The following DCTN1 variants were observed in gnomAD, a reference collection of about 807,000 sequenced individuals.
DCTN1 encodes 150 kDa dynein-associated polypeptide.
DCTN1 carries 61 observed loss-of-function variants against 161.2 expected under a neutral mutation model. That is an observed-to-expected ratio of 0.38 (90% CI 0.31 to 0.47). The LOEUF (loss-of-function observed/expected upper bound fraction) is 0.47, where lower values mean the gene tolerates loss of function less well. Ranked by LOEUF, DCTN1 falls within the 20% of genes least tolerant of loss-of-function variation. The pLI is 0.99. For synonymous variants in DCTN1, 653 were observed against 632.4 expected, an observed-to-expected ratio of 1.03 and a Z score of -0.49; for missense variants, 1,404 against 1,623.7, an observed-to-expected ratio of 0.86 and a Z score of 2.33.
upstream of DCTN1, among the ~76,000 whole-genome samples, chr2:74,380,806 C>G (rs527771360): frequency 4.6e-5 from 7 of 152,294 alleles, no homozygotes; most frequent in African/African-American, 1.7e-4. Flanking sequence ...AGCCAAGTAC[C>G]CTAGCCCCCT....
intron 26 of DCTN1, chr2:74,364,707 G>C (rs1031002681): frequency 5.7e-6 from 2 of 348,032 alleles, no homozygotes; most frequent in East Asian, 7.1e-5. Context: ...AGCAGGTATC[G>C]GGCAGGGCTG....
chr2:74,377,794 T>C lies in DCTN1; in HGVS notation c.280-68A>G, dbSNP rs556697521. On this transcript the variant is annotated intron_variant, in intron 2 of 31. Transcript: ENST00000628224. ...AGCCAGATCAAGGACGGCTGTAATA[T>C]GGGCCCCTCCCCAGGCTCCAAGCAA... 3.3e-5 allele frequency: 50 copies of C among 1,520,818 alleles called. No individual in the cohort carries two copies. The South Asian group carries it at 5.2e-4, about 16-fold the overall frequency. 94.2% of individuals were successfully genotyped at this position (1,520,818 alleles called of 1,614,324 possible). A position where few individuals can be genotyped will look rare whatever the true frequency, so the allele number is the denominator to read the frequency against.
At chr2:74,368,311 C>T in intron 16 of DCTN1, 180 bp from the exon 17 acceptor site, 2 of 807,052 alleles carry the variant, frequency 2.5e-6, no homozygotes, top group South Asian at 3.5e-5. Context: ...GATGTGATTA[C>T]TGGAGGTTGT....
Position 74,366,500 on chromosome 2 carries a change from C to T in DCTN1, c.2587G>A (p.Val863Met), listed in dbSNP as rs772116260. Residue 863 changes from valine (V) to methionine (M), a missense_variant, in exon 22 of 32, where the codon GTG becomes ATG. Coordinates refer to ENST00000628224, the MANE Select transcript of DCTN1 (RefSeq NM_004082.5). ...APLAENEGLL[V>M]AALEELAFKA... is the part of the protein sequence containing the mutation. The stretch of plus-strand genomic sequence containing the variant: ...AAAGCCAGTTCCTCCAGAGCAGCCA[C>T]AAGTAGCCCCTCATTCTCTGCCAGT... 2.5e-6 allele frequency: 4 copies of T among 1,614,114 alleles called. No homozygotes were observed. The Admixed American group carries it at 5.0e-5, about 20-fold the overall frequency.
At chr2:74,371,772 TA>T (rs1455084903) in intron 7 of DCTN1, 44 bp from the exon 8 acceptor site, 3 of 1,499,586 alleles carry the variant, frequency 2.0e-6, no homozygotes, top group Non-Finnish European at 2.7e-6. Flanking sequence ...AAGCAGAGGA[TA>T]GGGGTAGTAA....
chr2:74,371,844 A>C, intron 7 of DCTN1, 116 bp from the exon 8 acceptor site: 1 of 831,726 alleles, frequency 1.2e-6, no homozygotes, highest in Non-Finnish European at 2.0e-6. Flanking sequence ...GGGAAAAAGC[A>C]GAAAGAGAGT....
chr2:74,362,966 T>C, intron 29 of DCTN1, 28 bp downstream of exon 29: 2 of 1,606,790 alleles, frequency 1.2e-6, no homozygotes, highest in Non-Finnish European at 1.7e-6. Context: ...GGCAGTTTTA[T>C]TCATCTTGGG....
rs372062491 is a variant in DCTN1, at chr2:74,363,277, C to T, written c.3345+17G>A. 1.1e-5 allele frequency: 17 copies of T among 1,614,108 alleles called. No homozygotes were observed. In the African/African-American group the frequency reaches 2.1e-4, roughly 20 times the overall value. On this transcript the variant is annotated intron_variant, in intron 28 of 31. Transcript: ENST00000628224. ...ATGCTCCATCTCCCATCCCAGTCCT[C>T]CCCGTGGCTCCCTCACCTTGAGGAT...
intron 25 of DCTN1, 122 bp downstream of exon 25, chr2:74,365,393 G>A: frequency 6.4e-7 from 1 of 1,559,972 alleles, no homozygotes. Context: ...GGGGTTGGCA[G>A]TGGGTAAAGA....
intron 1 of DCTN1, 25 bp from the exon 2 acceptor site, chr2:74,378,270 CAGTT>C (rs1446838554): frequency 3.1e-6 from 5 of 1,601,718 alleles, no homozygotes; most frequent in South Asian, 1.1e-5. Flanking sequence ...TAAACACAGA[CAGTT>C]AGAGGCCTCA....
chr2:74,367,953 G>C lies in DCTN1; in HGVS notation c.2015+18C>G, dbSNP rs1674549007. The C allele has an allele frequency of 2.5e-6, 4 of 1,614,216 alleles. No individual in the cohort carries two copies. The East Asian group carries it at 8.9e-5, about 36-fold the overall frequency. On this transcript the variant is annotated intron_variant, in intron 17 of 31. Coordinates refer to ENST00000628224, the MANE Select transcript of DCTN1 (RefSeq NM_004082.5). ...CCTGGACCCCCACCCTGGGGTGAGG[G>C]AGTCAGGAGTCACTTACTGCTCATA...
rs770355417 is a variant in DCTN1, at chr2:74,363,270, C to G, written c.3345+24G>C. ...GGCAAATATGCTCCATCTCCCATCC[C>G]AGTCCTCCCCGTGGCTCCCTCACCT... On this transcript the variant is annotated intron_variant, in intron 28 of 31. Coordinates refer to ENST00000628224, the MANE Select transcript of DCTN1 (RefSeq NM_004082.5). 3.7e-6 allele frequency: 6 copies of G among 1,613,986 alleles called. No homozygotes were observed. In the East Asian group the frequency reaches 1.1e-4, roughly 30 times the overall value.
At position 74,370,142 on chromosome 2, in the gene DCTN1, G is replaced by C. The variant is rs1223609676; in HGVS notation, c.1287+44C>G. On this transcript the variant is annotated intron_variant, in intron 12 of 31. Coordinates refer to ENST00000628224, the MANE Select transcript of DCTN1 (RefSeq NM_004082.5). The surrounding 1 kb of genome is among the most constrained non-coding windows in gnomAD (Gnocchi z 4.4). ...AAAGAGGAGGCATCAACTGATAGGA[G>C]AGTCAGGTGGGGGATTCTGGGTGAG... 1 of 1,613,912 alleles carries C rather than the reference G, an allele frequency of 6.2e-7. No homozygotes were observed. Among genetic ancestry groups the C allele is most frequent in the Non-Finnish European group, 8.5e-7 (1 of 1,180,028 alleles).
intron 2 of DCTN1, 114 bp downstream of exon 2, chr2:74,377,884 ACT>A: frequency 6.6e-7 from 1 of 1,513,090 alleles, no homozygotes; most frequent in South Asian, 1.2e-5. Flanking sequence ...ACTACCTTCC[ACT>A]CTCCCAACCA....
At chr2:74,364,948 C>T in intron 26 of DCTN1, 127 bp downstream of exon 26, 1 of 1,210,368 alleles carries the variant, frequency 8.3e-7, no homozygotes, top group South Asian at 1.2e-5. Context: ...CAGAGTGAAA[C>T]TGTGTAAGCA....
chr2:74,391,336 T>C (rs992937733), intron 1 of DCTN1: 2 of 176,678 alleles, frequency 1.1e-5, no homozygotes, highest in Non-Finnish European at 2.4e-5. Context: ...ATGCGCAAGA[T>C]GACCTCAAGG....
intron 17 of DCTN1, 26 bp downstream of exon 17, chr2:74,367,945 G>A (rs1327665012): frequency 2.5e-6 from 4 of 1,614,210 alleles, no homozygotes; most frequent in Non-Finnish European, 1.7e-6. Context: ...CCCCACCCTG[G>A]GGTGAGGGAG....
At position 74,377,440 on chromosome 2, in the gene DCTN1, T is replaced by TA; in HGVS notation, c.384dup (p.Ser129Ter). On this transcript the variant is annotated frameshift_variant, in exon 4 of 32. Transcript: ENST00000628224. LOFTEE classifies it high-confidence loss of function. ...ACCCCCAAATCACTCACCAGTTTGC[T>TA]AGTCTTTGCAGTTGTATCAGTTCCC... is the stretch of plus-strand genomic sequence containing the variant. 6.2e-7 allele frequency: 1 copy of TA among 1,613,620 alleles called. No homozygotes were observed. Among genetic ancestry groups the TA allele is most frequent in the Non-Finnish European group, 8.5e-7 (1 of 1,179,512 alleles).
At chr2:74,373,078 TC>T (rs1007060998) in intron 6 of DCTN1, 130 bp from the exon 7 acceptor site, 70 of 779,438 alleles carry the variant, frequency 9.0e-5, no homozygotes, top group African/African-American at 6.2e-4. Flanking sequence ...TTAGCCACCC[TC>T]CCCCCCATCC....
Sources: allele counts gnomAD v4.1 joint callset (sites outside exome capture counted in the v4.1 genomes callset), GRCh38; gene constraint gnomAD v4.1.1; non-coding constraint Gnocchi (gnomAD v3.1); transcripts MANE v1.5; gene names NCBI Gene and HGNC (gene_info 2026-07-23, HGNC 2026-07-21).